SPOCK3: variants seen among roughly 807,000 people sequenced by gnomAD.
SPOCK3 encodes the protein testican-3.
In SPOCK3, 30 loss-of-function variants were observed where a neutral mutation model predicts 56.6. The ratio of observed to expected loss-of-function variants is 0.53; its 90% CI spans 0.40 to 0.72. The LOEUF is 0.72. Among genes scored for constraint, SPOCK3 ranks in the 30% least tolerant of loss-of-function variants. The probability of loss-of-function intolerance (pLI) is 0.00; values close to 1 mark genes in which losing one functional copy is unlikely to be tolerated. For synonymous variants in SPOCK3, 196 were observed against 183.3 expected, an observed-to-expected ratio of 1.07 and a Z score of -0.56; for missense variants, 527 against 530.0, an observed-to-expected ratio of 0.99 and a Z score of 0.06.
chr4:166,792,383 A>C, intron 6 of SPOCK3, 94 bp from the exon 7 acceptor site: 1 of 1,373,104 alleles, frequency 7.3e-7, no homozygotes, highest in South Asian at 1.3e-5. Flanking sequence ...AAAGGTAAGA[A>C]CGACTAAAAG....
intron 3 of SPOCK3, among the ~76,000 whole-genome samples, chr4:167,026,486 T>G (rs1197732351): frequency 6.6e-6 from 1 of 152,080 alleles, no homozygotes; most frequent in Non-Finnish European, 1.5e-5. Flanking sequence ...AGACGATGAC[T>G]GGTGTGACAC....
At chr4:167,016,644 G>A (rs955788509) in intron 3 of SPOCK3, among the ~76,000 whole-genome samples, 11 of 151,606 alleles carry the variant, frequency 7.3e-5, no homozygotes, top group African/African-American at 2.4e-4. Flanking sequence ...GGGTTCAAGC[G>A]ATTCTCCTGC....
chr4:166,740,706 A>C (rs1309208175), intron 9 of SPOCK3, among the ~76,000 whole-genome samples: 1 of 151,900 alleles, frequency 6.6e-6, no homozygotes, highest in Admixed American at 6.6e-5. Flanking sequence ...TTGTATTTTC[A>C]GTAGAGGTGG....
intron 2 of SPOCK3, among the ~76,000 whole-genome samples, chr4:167,123,906 T>C (rs1762073234): frequency 6.6e-6 from 1 of 151,834 alleles, no homozygotes; most frequent in Non-Finnish European, 1.5e-5. Flanking sequence ...CTGCCACGCC[T>C]GGCTAATTTT....
At chr4:166,859,148 T>C (rs1455992191) in intron 6 of SPOCK3, among the ~76,000 whole-genome samples, 3 of 152,190 alleles carry the variant, frequency 2.0e-5, no homozygotes, top group Non-Finnish European at 4.4e-5. Flanking sequence ...CTAGGAGCAA[T>C]AGGCTATACC....
intron 4 of SPOCK3, among the ~76,000 whole-genome samples, chr4:166,991,779 T>A (rs1747816066): frequency 6.6e-6 from 1 of 152,158 alleles, no homozygotes; most frequent in Non-Finnish European, 1.5e-5. Context: ...GGCATCAGCA[T>A]ATTGTTTACA....
chr4:166,964,720 G>A (rs111732172), intron 4 of SPOCK3, among the ~76,000 whole-genome samples: 3 of 151,588 alleles, frequency 2.0e-5, no homozygotes, highest in African/African-American at 7.3e-5. Flanking sequence ...AAAGAGAACA[G>A]GACAGGTTAA....
intron 6 of SPOCK3, among the ~76,000 whole-genome samples, chr4:166,818,738 T>A (rs1386859790): frequency 6.6e-6 from 1 of 152,018 alleles, no homozygotes; most frequent in East Asian, 1.9e-4. Context: ...TAACTTTATA[T>A]CCATACTAAA....
intron 2 of SPOCK3, among the ~76,000 whole-genome samples, chr4:167,101,688 G>A (rs1759659531): frequency 6.7e-6 from 1 of 148,528 alleles, no homozygotes; most frequent in Non-Finnish European, 1.5e-5. Flanking sequence ...AGACTCACCA[G>A]TATCTTCAAT....
At chr4:166,944,727 C>T (rs559450857) in intron 4 of SPOCK3, among the ~76,000 whole-genome samples, 262 of 145,752 alleles carry the variant, frequency 1.8e-3, no homozygotes, top group African/African-American at 6.8e-3. Flanking sequence ...TTATGTGGCT[C>T]ATAATTTATT....
intron 3 of SPOCK3, among the ~76,000 whole-genome samples, chr4:167,026,734 T>G (rs1751726798): frequency 6.6e-6 from 1 of 152,028 alleles, no homozygotes; most frequent in African/African-American, 2.4e-5. Context: ...ATTGTATGCA[T>G]TTTGAATATA....
chr4:167,037,946 C>G (rs1447839213), intron 3 of SPOCK3, among the ~76,000 whole-genome samples: 1 of 152,016 alleles, frequency 6.6e-6, no homozygotes, highest in Non-Finnish European at 1.5e-5. Context: ...ACTGATATAA[C>G]GACAAACCAG....
At chr4:167,192,442 T>C (rs1369300057) in intron 2 of SPOCK3, among the ~76,000 whole-genome samples, 1 of 146,024 alleles carries the variant, frequency 6.8e-6, no homozygotes, top group African/African-American at 2.6e-5. Context: ...GAGACTTTTT[T>C]ATTAATGTGT....
chr4:166,948,690 T>C (rs1246913940), intron 4 of SPOCK3, among the ~76,000 whole-genome samples: 1 of 152,212 alleles, frequency 6.6e-6, no homozygotes, highest in African/African-American at 2.4e-5. Flanking sequence ...ATTCAACTTG[T>C]AGAGTTTCTG....
chr4:167,050,692 T>G (rs568700458), intron 3 of SPOCK3, among the ~76,000 whole-genome samples: 1 of 152,250 alleles, frequency 6.6e-6, no homozygotes, highest in South Asian at 2.1e-4. Flanking sequence ...GGGATATACA[T>G]ACAATAAAAT....
chr4:166,825,211 T>C (rs1745332096), intron 6 of SPOCK3, among the ~76,000 whole-genome samples: 1 of 152,114 alleles, frequency 6.6e-6, no homozygotes, highest in Admixed American at 6.6e-5. Flanking sequence ...AGATTTGATC[T>C]TGCCCTAATT....
intron 3 of SPOCK3, among the ~76,000 whole-genome samples, chr4:167,035,653 G>T (rs905801792): frequency 6.6e-6 from 1 of 152,028 alleles, no homozygotes; most frequent in African/African-American, 2.4e-5. Context: ...CACAGTTCTG[G>T]TAATTGTTTC....
intron 8 of SPOCK3, among the ~76,000 whole-genome samples, chr4:166,743,506 C>T (rs1254316355): frequency 6.6e-6 from 1 of 152,022 alleles, no homozygotes; most frequent in African/African-American, 2.4e-5. Flanking sequence ...GATGGCCAAA[C>T]AGGAACAGCT....
chr4:166,751,775 A>T (rs1736402523), intron 8 of SPOCK3, among the ~76,000 whole-genome samples: 1 of 152,172 alleles, frequency 6.6e-6, no homozygotes, highest in South Asian at 2.1e-4. Context: ...AAAAGTAGAC[A>T]TACTTTTATG....
Sources: gnomAD v4.1 joint callset for allele counts (sites outside exome capture counted in the v4.1 genomes callset) on GRCh38, gnomAD v4.1.1 for gene constraint, MANE v1.5 for transcripts, NCBI Gene and HGNC (gene_info 2026-07-23, HGNC 2026-07-21) for gene names.